Variants in NOTCH2 observed in about 807,000 individuals in gnomAD.
NOTCH2 encodes neurogenic locus notch homolog protein 2.
Under a neutral mutation model 235.8 loss-of-function variants are expected in NOTCH2, and 29 were observed. The observed-to-expected ratio is 0.12, with a 90% CI of 0.09 to 0.17. The LOEUF (loss-of-function observed/expected upper bound fraction) is 0.17. Ranked by LOEUF, NOTCH2 falls within the 10% of genes least tolerant of loss-of-function variation. The pLI, the probability that NOTCH2 is intolerant of heterozygous loss-of-function variation, is 1.00. For synonymous variants in NOTCH2, 1,086 were observed against 1,141.5 expected (o/e 0.95, Z 0.98); for missense variants, 2,285 against 3,150.2 (o/e 0.73, Z 6.57).
chr1:119,922,084 G>A, intron 28 of NOTCH2, 152 bp downstream of exon 28: 1 of 891,666 alleles, frequency 1.1e-6, no homozygotes, highest in Non-Finnish European at 1.8e-6. Flanking sequence ...CGCTCTGACT[G>A]TGGTTTCAGT....
intron 16 of NOTCH2, 84 bp downstream of exon 16, chr1:119,948,923 G>A (rs1470443129): frequency 6.5e-7 from 1 of 1,540,528 alleles, no homozygotes; most frequent in South Asian, 1.1e-5. Context: ...AGACCAGCAG[G>A]GCCTTCCATA....
intron 5 of NOTCH2, among the ~76,000 whole-genome samples, chr1:119,982,696 C>G (rs1651859029): frequency 6.6e-6 from 1 of 152,224 alleles, no homozygotes; most frequent in Admixed American, 6.5e-5. Context: ...AGGCTTATCC[C>G]TATAAGACAC....
chr1:119,926,574 C>A lies in NOTCH2; in HGVS notation c.3930G>T (p.Gln1310His). The stretch of plus-strand genomic sequence containing the variant: ...AAGTCCCTCCATTCAGGCAGGGCAT[C>A]TGGGGACACACATCGACGAAGGTTT... ...HCETFVDVCPQMPCLNGGTCA... is the reference protein window; with the variant it reads ...HCETFVDVCPHMPCLNGGTCA... The change falls in exon 24 of 34, where the codon CAG becomes CAT. Residue 1310 changes from glutamine to histidine, a missense_variant. Physicochemically the swap from Gln to His is conservative, Grantham distance 24. Coordinates refer to ENST00000256646, the MANE Select transcript of NOTCH2 (RefSeq NM_024408.4). 6.2e-7 allele frequency: 1 copy of A among 1,609,802 alleles called. No homozygotes were observed. Among genetic ancestry groups the A allele is most frequent in the Non-Finnish European group, 8.5e-7 (1 of 1,177,748 alleles).
intron 16 of NOTCH2, among the ~76,000 whole-genome samples, 174 bp downstream of exon 16, chr1:119,948,832 TG>T (rs1347414388): frequency 6.6e-6 from 1 of 152,130 alleles, no homozygotes; most frequent in African/African-American, 2.4e-5. Flanking sequence ...ACAAGGACAA[TG>T]GAAAGGCTTT....
At chr1:119,974,145 T>C (rs1355909933) in intron 5 of NOTCH2, among the ~76,000 whole-genome samples, 4 of 152,192 alleles carry the variant, frequency 2.6e-5, no homozygotes, top group African/African-American at 9.7e-5. Flanking sequence ...AGCTGTATTG[T>C]TTCCATGTCC....
At chr1:119,940,233 T>C (rs1553196286) in intron 19 of NOTCH2, among the ~76,000 whole-genome samples, 1 of 152,228 alleles carries the variant, frequency 6.6e-6, no homozygotes, top group Non-Finnish European at 1.5e-5. Context: ...TTCTCTATTT[T>C]CTTCAGTTCT....
intron 11 of NOTCH2, among the ~76,000 whole-genome samples, chr1:119,963,180 T>TAGGA (rs71074447): frequency 0.023 from 3,310 of 144,778 alleles, 120 homozygotes; most frequent in African/African-American, 0.075. Context: ...GGAAGGTAGG[T>TAGGA]AGGAAGGAAG....
Position 120,005,488 on chromosome 1 carries a change from C to A in NOTCH2, c.256G>T (p.Gly86Trp). Residue 86 changes from glycine to tryptophan, a missense_variant, in exon 3 of 34, where the codon GGG (glycine) becomes TGG (tryptophan). Around this residue, in one of 6 missense-constraint regions of NOTCH2, gnomAD observed 431 missense variants for 757.8 expected, o/e 0.57. Transcript: ENST00000256646. The part of the protein sequence containing the change: ...GGTCVAQAML[G>W]KATCRCASGF... Reference sequence around the variant, plus strand: ...GAGGCACATCGGCACGTGGCTTTCCCCAGCATGGCCTGGGCCACACAAGTC... The same window carrying A: ...GAGGCACATCGGCACGTGGCTTTCCACAGCATGGCCTGGGCCACACAAGTC... The A allele has an allele frequency of 6.2e-7, 1 of 1,613,544 alleles. No individual in the cohort carries two copies. Among genetic ancestry groups the A allele is most frequent in the Non-Finnish European group, 8.5e-7 (1 of 1,179,752 alleles).
At chr1:120,026,117 A>AG (rs1488539721) in intron 2 of NOTCH2, among the ~76,000 whole-genome samples, 1 of 131,074 alleles carries the variant, frequency 7.6e-6, no homozygotes, top group Non-Finnish European at 1.6e-5. Context: ...CCTAACAGTG[A>AG]GAAAAAACAG....
chr1:119,920,154 G>T, intron 30 of NOTCH2, 75 bp downstream of exon 30: 3 of 1,555,554 alleles, frequency 1.9e-6, no homozygotes, highest in Non-Finnish European at 1.8e-6. Flanking sequence ...ACTGGACAGG[G>T]CAAACACAGG....
chr1:119,920,340 T>C lies in NOTCH2; in HGVS notation c.5368A>G (p.Thr1790Ala), dbSNP rs1489930895. Residue 1790 changes from threonine to alanine, a missense_variant, in exon 30 of 34, where the codon ACA (threonine) becomes GCA (alanine). Coordinates refer to ENST00000256646, the MANE Select transcript of NOTCH2 (RefSeq NM_024408.4). ...TCTGCAGCTTCAAGGTGCTGCTGTG[T>C]CCATGGCCGTCGATCAATGGGGTCA... Reference protein sequence around the residue: ...EDDPIDRRPWTQQHLEAADIR... With the variant: ...EDDPIDRRPWAQQHLEAADIR... 3.1e-6 allele frequency: 5 copies of C among 1,614,200 alleles called. No homozygotes were observed. The highest frequency in any genetic ancestry group is 4.2e-6 in the Non-Finnish European group (5 of 1,180,026).
intron 20 of NOTCH2, 62 bp downstream of exon 20, chr1:119,937,795 T>A (rs1011362997): frequency 4.4e-6 from 7 of 1,593,206 alleles, no homozygotes; most frequent in Non-Finnish European, 6.0e-6. Flanking sequence ...ATACCTTCTC[T>A]AAATGCCACT....
At chr1:119,988,018 A>C (rs1193711459) in intron 4 of NOTCH2, among the ~76,000 whole-genome samples, 1 of 152,110 alleles carries the variant, frequency 6.6e-6, no homozygotes, top group East Asian at 1.9e-4. Context: ...TTCTATTCTA[A>C]ACATTCTCCT....
At chr1:119,956,061 T>C (rs182094135) in intron 12 of NOTCH2, among the ~76,000 whole-genome samples, 1 of 152,328 alleles carries the variant, frequency 6.6e-6, no homozygotes, top group East Asian at 1.9e-4. Context: ...CATCATACAA[T>C]GTGGATACTG....
intron 12 of NOTCH2, among the ~76,000 whole-genome samples, chr1:119,959,073 A>C (rs1650836463): frequency 6.6e-6 from 1 of 152,200 alleles, no homozygotes; most frequent in Non-Finnish European, 1.5e-5. Flanking sequence ...GAAGGCCTTG[A>C]CTACTACCTG....
At chr1:119,996,644 A>G in intron 4 of NOTCH2, 2 of 832,280 alleles carry the variant, frequency 2.4e-6, no homozygotes, top group Non-Finnish European at 4.3e-6. Flanking sequence ...TTTATTAACC[A>G]CACATACATA....
At chr1:119,921,927 G>T in intron 28 of NOTCH2, 118 bp from the exon 29 acceptor site, 1 of 886,524 alleles carries the variant, frequency 1.1e-6, no homozygotes, top group Non-Finnish European at 1.8e-6. Context: ...CAGGGTCTTG[G>T]CCCAGAGAAG....
intron 15 of NOTCH2, among the ~76,000 whole-genome samples, chr1:119,949,380 TTTC>T (rs1553197458): frequency 3.3e-5 from 5 of 149,878 alleles, no homozygotes; most frequent in Admixed American, 1.3e-4. Flanking sequence ...TACACTACTA[TTTC>T]TTTTTTTTTT....
intron 14 of NOTCH2, among the ~76,000 whole-genome samples, chr1:119,951,460 G>A (rs587767982): frequency 2.4e-3 from 363 of 152,248 alleles, no homozygotes; most frequent in Non-Finnish European, 3.0e-3. Flanking sequence ...CCAATAGCTT[G>A]TTGCATGATA....
Sources: gnomAD v4.1 joint callset for allele counts (sites outside exome capture counted in the v4.1 genomes callset) on GRCh38, gnomAD v4.1.1 for gene constraint, gnomAD v4.1.1 regional missense constraint, MANE v1.5 for transcripts, NCBI Gene and HGNC (gene_info 2026-07-23, HGNC 2026-07-21) for gene names.